The following TRERF1 variants were observed in gnomAD, a reference collection of about 807,000 sequenced individuals.
TRERF1 encodes transcriptional-regulating factor 1.
A neutral mutation model predicts 122.9 loss-of-function variants in TRERF1; 27 were observed. The observed-to-expected ratio is 0.22, with a 90% CI of 0.16 to 0.30. The LOEUF (loss-of-function observed/expected upper bound fraction) is 0.30. Ranked by LOEUF, TRERF1 falls within the 10% of genes least tolerant of loss-of-function variation. The pLI, the probability that TRERF1 is intolerant of heterozygous loss-of-function variation, is 1.00. For synonymous variants in TRERF1, 636 were observed against 641.7 expected (o/e 0.99, Z 0.13); for missense variants, 1,248 against 1,560.3 (o/e 0.80, Z 3.37).
chr6:42,266,186 TTC>T (rs1273052838), intron 5 of TRERF1, among the ~76,000 whole-genome samples: 1,835 of 136,800 alleles, frequency 0.013, 34 homozygotes, highest in African/African-American at 0.044. Flanking sequence ...CCTGATGGAA[TTC>T]TTTTTTTTTT....
intron 2 of TRERF1, among the ~76,000 whole-genome samples, chr6:42,426,879 GAAT>G (rs1331733956): frequency 6.6e-6 from 1 of 151,992 alleles, no homozygotes; most frequent in Non-Finnish European, 1.5e-5. Context: ...GCATATACTG[GAAT>G]AATACTTATT....
chr6:42,264,746 C>T, exon 7 of TRERF1: 1 of 1,614,228 alleles, frequency 6.2e-7, no homozygotes, highest in African/African-American at 1.3e-5. Context: ...CGTGGGACCG[C>T]ATGTGGCCAT....
At chr6:42,411,241 T>C (rs1186663474) in intron 2 of TRERF1, among the ~76,000 whole-genome samples, 1 of 152,184 alleles carries the variant, frequency 6.6e-6, no homozygotes, top group Non-Finnish European at 1.5e-5. Flanking sequence ...CACTGTGCAC[T>C]GGTTCTATGA....
At chr6:42,255,100 A>G (rs1374141020) in intron 12 of TRERF1, among the ~76,000 whole-genome samples, 174 bp from the exon 13 acceptor site, 1 of 152,170 alleles carries the variant, frequency 6.6e-6, no homozygotes, top group African/African-American at 2.4e-5. Flanking sequence ...TGTTCAGCAA[A>G]TAAGACTCTC....
At chr6:42,247,036 C>A (rs1194162675) in intron 13 of TRERF1, among the ~76,000 whole-genome samples, 1 of 152,176 alleles carries the variant, frequency 6.6e-6, no homozygotes, top group Non-Finnish European at 1.5e-5. Context: ...AACAAGTAGG[C>A]CATGACGTTC....
intron 4 of TRERF1, among the ~76,000 whole-genome samples, chr6:42,291,565 G>C (rs1467086825): frequency 6.6e-6 from 1 of 151,802 alleles, no homozygotes; most frequent in Admixed American, 6.6e-5. Context: ...ATGGAGTTTC[G>C]CTCTGTCACC....
chr6:42,374,495 C>T (rs1474971286), intron 2 of TRERF1, among the ~76,000 whole-genome samples: 1 of 152,162 alleles, frequency 6.6e-6, no homozygotes, highest in Non-Finnish European at 1.5e-5. Context: ...GGGAGCCTCA[C>T]CAGCCTTAGA....
intron 13 of TRERF1, 140 bp downstream of exon 13, chr6:42,254,711 C>A (rs140994755): frequency 3.9e-6 from 3 of 760,740 alleles, no homozygotes; most frequent in Admixed American, 2.1e-5. Flanking sequence ...ACAGACATAG[C>A]TCTGCCCTAG....
Position 42,259,430 on chromosome 6 carries a change from A to G in TRERF1, c.2178T>C (p.Asn726=). 1 of 1,587,918 alleles carries G rather than the reference A, an allele frequency of 6.3e-7. No individual in the cohort carries two copies. Among genetic ancestry groups the G allele is most frequent in the Non-Finnish European group, 8.5e-7 (1 of 1,172,490 alleles). ...CAGGGCCGTGGCCGGAGATGAGGAC[A>G]TTGCTGAAGAGCCCCGAGCCCTGGC... Residue 726 remains asparagine (N), a synonymous_variant, in exon 9 of 18, where the codon AAT becomes AAC. Coordinates refer to ENST00000372922, the Ensembl canonical transcript of TRERF1. The surrounding 1 kb of genome is among the most constrained non-coding windows in gnomAD (Gnocchi z 4.9).
intron 4 of TRERF1, among the ~76,000 whole-genome samples, chr6:42,290,806 GC>G (rs1207806542): frequency 8.1e-6 from 1 of 123,046 alleles, no homozygotes; most frequent in Admixed American, 1.1e-4. Flanking sequence ...CTCTTTAACA[GC>G]CCTGGGATGG....
At chr6:42,400,261 C>G (rs1177855770) in intron 2 of TRERF1, among the ~76,000 whole-genome samples, 1 of 152,214 alleles carries the variant, frequency 6.6e-6, no homozygotes, top group East Asian at 1.9e-4. Context: ...GAGAACCAAG[C>G]ACAGGGGTCT....
chr6:42,296,577 T>G (rs576922284), intron 4 of TRERF1, among the ~76,000 whole-genome samples: 15 of 152,240 alleles, frequency 9.9e-5, no homozygotes, highest in Admixed American at 9.2e-4. Context: ...AGCTGTTAAG[T>G]GGCAGAGGTA....
chr6:42,239,101 T>C (rs1773004197), intron 15 of TRERF1, among the ~76,000 whole-genome samples: 1 of 152,102 alleles, frequency 6.6e-6, no homozygotes, highest in Non-Finnish European at 1.5e-5. Flanking sequence ...ATCCTAAATC[T>C]CTCAATATTA....
At chr6:42,234,999 G>A (rs1001790323) in intron 16 of TRERF1, among the ~76,000 whole-genome samples, 1 of 151,940 alleles carries the variant, frequency 6.6e-6, no homozygotes, top group African/African-American at 2.4e-5. Flanking sequence ...AAAATGGCCA[G>A]GTCATTAAAC....
chr6:42,304,474 G>A (rs1786787625), intron 3 of TRERF1, among the ~76,000 whole-genome samples: 1 of 152,196 alleles, frequency 6.6e-6, no homozygotes, highest in African/African-American at 2.4e-5. Flanking sequence ...CCCAGTGAGT[G>A]GGGATAATCA....
intron 2 of TRERF1, among the ~76,000 whole-genome samples, chr6:42,367,821 C>CT (rs1355648486): frequency 6.6e-6 from 1 of 152,048 alleles, no homozygotes; most frequent in Non-Finnish European, 1.5e-5. Flanking sequence ...GCTGGGAGAT[C>CT]TTAGCACAGA....
chr6:42,375,881 G>C lies in TRERF1; in HGVS notation c.-453-12802C>G, dbSNP rs260232. 4.7e-3 allele frequency among the ~76,000 whole-genome samples: 712 copies of C among 152,184 alleles called. 6 individuals are homozygous for C. The highest frequency in any genetic ancestry group is 0.017 in the African/African-American group (688 of 41,514). On this transcript the variant is annotated intron_variant, in intron 2 of 17. Coordinates refer to ENST00000372922, the Ensembl canonical transcript of TRERF1. ...CAGGGGCCAGAGCAGATAAGAACCA[G>C]GCAAGGGGCTTGTCTCAAATGGGGC... is the stretch of plus-strand genomic sequence containing the variant.
intron 2 of TRERF1, among the ~76,000 whole-genome samples, chr6:42,442,555 A>T (rs996484366): frequency 1.8e-4 from 28 of 152,262 alleles, no homozygotes; most frequent in Admixed American, 5.2e-4. Context: ...ATAGCTGCCC[A>T]AATAGCTGCC....
At chr6:42,246,494 C>A (rs1396060752) in exon 14 of TRERF1, 1 of 1,599,940 alleles carries the variant, frequency 6.3e-7, no homozygotes, top group Non-Finnish European at 8.5e-7. Context: ...CTGTAAGTGG[C>A]TAGTGCTTTG....
Sources: gnomAD v4.1 joint callset for allele counts (sites outside exome capture counted in the v4.1 genomes callset) on GRCh38, gnomAD v4.1.1 for gene constraint, Gnocchi (gnomAD v3.1) non-coding constraint, MANE v1.5 for transcripts, NCBI Gene and HGNC (gene_info 2026-07-23, HGNC 2026-07-21) for gene names.